The following USP37 variants were observed in gnomAD, a reference collection of about 807,000 sequenced individuals.
USP37 encodes ubiquitin specific peptidase 37.
USP37 carries 27 observed loss-of-function variants against 124.0 expected under a neutral mutation model. The ratio of observed to expected loss-of-function variants is 0.22; its 90% CI spans 0.16 to 0.30. USP37 has a LOEUF of 0.30. Ranked by LOEUF, USP37 falls within the 10% of genes least tolerant of loss-of-function variation. The pLI is 1.00. For synonymous variants in USP37, 365 were observed against 388.0 expected (o/e 0.94, Z 0.70); for missense variants, 889 against 1,140.4 (o/e 0.78, Z 3.17).
chr2:218,508,111 G>A (rs1026411287), intron 11 of USP37, among the ~76,000 whole-genome samples: 1 of 152,190 alleles, frequency 6.6e-6, no homozygotes. Flanking sequence ...GTAACTTAAA[G>A]GTGGTGGTAT....
At chr2:218,474,558 G>A in intron 20 of USP37, 72 bp downstream of exon 20, 1 of 1,569,308 alleles carries the variant, frequency 6.4e-7, no homozygotes, top group Admixed American at 1.8e-5. Context: ...TTATTTGGAG[G>A]TTATTTGTCA....
At chr2:218,508,462 G>A (rs1689801398) in intron 11 of USP37, among the ~76,000 whole-genome samples, 2 of 151,986 alleles carry the variant, frequency 1.3e-5, no homozygotes, top group African/African-American at 4.8e-5. Context: ...AACTCACAAG[G>A]CTCTCAAAAG....
At chr2:218,487,456 C>A (rs1691638354) in intron 15 of USP37, among the ~76,000 whole-genome samples, 1 of 151,804 alleles carries the variant, frequency 6.6e-6, no homozygotes, top group African/African-American at 2.4e-5. Context: ...GAGTCTCGTT[C>A]TGTCGCCAGG....
intron 20 of USP37, among the ~76,000 whole-genome samples, chr2:218,471,048 A>G (rs1272710536): frequency 6.6e-6 from 1 of 152,242 alleles, no homozygotes; most frequent in Non-Finnish European, 1.5e-5. Flanking sequence ...AGAAAGTATT[A>G]CAAAACTGAC....
intron 22 of USP37, 152 bp from the exon 23 acceptor site, chr2:218,460,057 A>T: frequency 3.8e-6 from 1 of 263,950 alleles, no homozygotes. Context: ...ATGGTCAGAG[A>T]TGGGGTAGAG....
rs570231510 is a variant in USP37 at position 218,567,909 on chromosome 2, AACG to A, written c.-230+266_-230+268del. Among the ~76,000 whole-genome samples, 374 of 152,310 alleles carry A rather than the reference AACG, an allele frequency of 2.5e-3. 1 individual carries two copies. Among genetic ancestry groups the A allele is most frequent in the Admixed American group, 2.4e-3 (36 of 15,302 alleles). ...AGGCCCTGTTAGAAGGTAAGAGGCGAACGACAACAGCCCCAGAGAAAAGGGGCC... is the reference window on the plus strand; with the variant it reads ...AGGCCCTGTTAGAAGGTAAGAGGCGAACAACAGCCCCAGAGAAAAGGGGCC... On this transcript the variant is annotated intron_variant, in intron 1 of 25. Transcript: ENST00000258399.
At chr2:218,473,459 C>A (rs1690800185) in intron 20 of USP37, among the ~76,000 whole-genome samples, 1 of 152,146 alleles carries the variant, frequency 6.6e-6, no homozygotes, top group South Asian at 2.1e-4. Context: ...ATTTTACTTG[C>A]ATGCAAAATA....
intron 10 of USP37, among the ~76,000 whole-genome samples, chr2:218,518,616 T>C (rs1012026597): frequency 6.6e-6 from 1 of 152,212 alleles, no homozygotes; most frequent in Non-Finnish European, 1.5e-5. Flanking sequence ...TGTAACTAGA[T>C]ACACATTTTT....
rs1320701586 is a variant in USP37 at position 218,510,258 on chromosome 2, T to A, written c.864-118A>T. On this transcript the variant is annotated intron_variant, in intron 10 of 25. Coordinates refer to ENST00000258399, the MANE Select transcript of USP37 (RefSeq NM_020935.3). ...AAAAAATCTTGAATTTAGGGAAATATCAGTAATAATGATCACTTAAGGGAA... is the reference window on the plus strand; with the variant it reads ...AAAAAATCTTGAATTTAGGGAAATAACAGTAATAATGATCACTTAAGGGAA... 4.7e-6 allele frequency: 5 copies of A among 1,066,902 alleles called. No homozygotes were observed. In the East Asian group the frequency reaches 1.3e-4, roughly 28 times the overall value. The allele number at this position is 1,066,902 out of a possible 1,614,324, so 66.1% of individuals were successfully genotyped here.
Position 218,454,137 on chromosome 2 carries a change from T to C in USP37, c.*793A>G, listed in dbSNP as rs1375001726. ...CCATAATAATGATGATGATATATGA[T>C]GAACATACTGTGTGAAGAAATCTCC... On this transcript the variant is annotated 3_prime_UTR_variant, in exon 26 of 26. Coordinates refer to ENST00000258399, the MANE Select transcript of USP37 (RefSeq NM_020935.3). 5 of 152,654 alleles carry C rather than the reference T, an allele frequency of 3.3e-5. No individual in the cohort carries two copies. The highest frequency in any genetic ancestry group is 9.6e-5 in the African/African-American group (4 of 41,462). 9.5% of individuals were successfully genotyped at this position (152,654 alleles called of 1,614,324 possible). A position where few individuals can be genotyped will look rare whatever the true frequency, so the allele number is the denominator to read the frequency against.
At chr2:218,484,116 G>T (rs1188497427) in intron 16 of USP37, among the ~76,000 whole-genome samples, 1 of 151,810 alleles carries the variant, frequency 6.6e-6, no homozygotes, top group Non-Finnish European at 1.5e-5. Flanking sequence ...CCGAGATCAT[G>T]CCACCGCATT....
At chr2:218,493,880 C>T (rs832817) in intron 14 of USP37, among the ~76,000 whole-genome samples, 92,175 of 151,952 alleles carry the variant, frequency 0.61, 28,157 homozygotes, top group East Asian at 0.78. Flanking sequence ...ACTGAGGCAA[C>T]TTAAATTTTC....
rs1690103743 is a variant in USP37 at position 218,463,080 on chromosome 2, T to C, written c.2527+226A>G. Among the ~76,000 whole-genome samples, 3 of 151,528 alleles carry C rather than the reference T, an allele frequency of 2.0e-5. No homozygotes were observed. The South Asian group carries it at 6.2e-4, about 32-fold the overall frequency. ...TACTCGGGAGGCTGAGGCATGAGAATTGCTTGTACCCAGGACGTGGAGGTT... is the reference window on the plus strand; with the variant it reads ...TACTCGGGAGGCTGAGGCATGAGAACTGCTTGTACCCAGGACGTGGAGGTT... On this transcript the variant is annotated intron_variant, in intron 22 of 25. Coordinates refer to ENST00000258399, the MANE Select transcript of USP37 (RefSeq NM_020935.3).
At chr2:218,509,627 T>A (rs1444122927) in intron 11 of USP37, among the ~76,000 whole-genome samples, 4 of 152,112 alleles carry the variant, frequency 2.6e-5, no homozygotes, top group Non-Finnish European at 5.9e-5. Context: ...CTACAGTTAT[T>A]ATACTATGAT....
At chr2:218,499,230 C>T (rs1689233920) in intron 11 of USP37, among the ~76,000 whole-genome samples, 1 of 151,966 alleles carries the variant, frequency 6.6e-6, no homozygotes, top group Non-Finnish European at 1.5e-5. Context: ...GCTGAGATCA[C>T]GCCACTGCAC....
intron 21 of USP37, among the ~76,000 whole-genome samples, chr2:218,463,778 G>A (rs1336751961): frequency 1.0e-4 from 15 of 150,524 alleles, no homozygotes; most frequent in African/African-American, 2.7e-4. Flanking sequence ...CTTGTGATCC[G>A]CCCACCTCGG....
At chr2:218,490,746 G>A (rs1399926193) in intron 14 of USP37, among the ~76,000 whole-genome samples, 1 of 152,192 alleles carries the variant, frequency 6.6e-6, no homozygotes, top group Non-Finnish European at 1.5e-5. Context: ...ATGATGAGCT[G>A]TCACGCCTAT....
At chr2:218,546,167 T>C (rs1692308724) in intron 8 of USP37, 54 bp downstream of exon 8, 2 of 1,408,888 alleles carry the variant, frequency 1.4e-6, no homozygotes, top group South Asian at 1.2e-5. Context: ...TGGTTACAAA[T>C]ACCAATATAA....
intron 14 of USP37, among the ~76,000 whole-genome samples, chr2:218,489,511 T>C (rs578221827): frequency 2.0e-5 from 3 of 152,252 alleles, no homozygotes; most frequent in Admixed American, 2.0e-4. Flanking sequence ...GGCGGAGTTC[T>C]GCTTTTGTTG....
Sources: allele counts gnomAD v4.1 joint callset (sites outside exome capture counted in the v4.1 genomes callset), GRCh38; gene constraint gnomAD v4.1.1; transcripts MANE v1.5; gene names NCBI Gene and HGNC (gene_info 2026-07-23, HGNC 2026-07-21).